The following PARD6G variants were observed in gnomAD, a reference collection of about 807,000 sequenced individuals.
PARD6G encodes partitioning defective 6 homolog gamma.
A neutral mutation model predicts 10.7 loss-of-function variants in PARD6G; 7 were observed. That is an observed-to-expected ratio of 0.66 (90% confidence interval 0.37 to 1.23). The LOEUF is 1.23. Ranked by LOEUF, PARD6G falls within the 50% of genes most tolerant of loss-of-function variation. The pLI, the probability that PARD6G is intolerant of heterozygous loss-of-function variation, is 0.02. For missense variants in PARD6G, 548 were observed against 571.8 expected (o/e 0.96, Z 0.42); for synonymous variants, 287 against 269.4 (o/e 1.07, Z -0.64).
intron 1 of PARD6G, among the ~76,000 whole-genome samples, chr18:80,242,439 G>A (rs1269728855): frequency 6.6e-6 from 1 of 152,218 alleles, no homozygotes; most frequent in African/African-American, 2.4e-5. Context: ...GCAGCACCAT[G>A]GCAGCCAACG....
intron 1 of PARD6G, among the ~76,000 whole-genome samples, chr18:80,207,666 C>G (rs192444841): frequency 6.6e-5 from 10 of 152,228 alleles, no homozygotes; most frequent in African/African-American, 2.4e-4. Flanking sequence ...CAGGAGTGTA[C>G]ATTCACACTG....
At chr18:80,208,978 T>C (rs1232762331) in intron 1 of PARD6G, among the ~76,000 whole-genome samples, 1 of 152,116 alleles carries the variant, frequency 6.6e-6, no homozygotes, top group African/African-American at 2.4e-5. Context: ...CACACGCTTG[T>C]AGTCCCAGCT....
intron 2 of PARD6G, chr18:80,169,551 G>C (rs1260849572): frequency 1.3e-5 from 2 of 152,330 alleles, no homozygotes; most frequent in Non-Finnish European, 2.9e-5. Flanking sequence ...GGGCGCCAGA[G>C]TGTGGGGTCC....
chr18:80,168,796 C>T (rs1284633307), intron 2 of PARD6G: 7 of 168,690 alleles, frequency 4.1e-5, no homozygotes, highest in Non-Finnish European at 4.4e-5. Flanking sequence ...ATTATATTTT[C>T]TTCTTCCATT....
chr18:80,173,100 C>A (rs991578255), intron 2 of PARD6G, among the ~76,000 whole-genome samples: 1 of 152,078 alleles, frequency 6.6e-6, no homozygotes, highest in Admixed American at 6.5e-5. Context: ...TTGTCTGGAA[C>A]CAGCATGATG....
At chr18:80,234,907 T>G (rs1249789925) in intron 1 of PARD6G, among the ~76,000 whole-genome samples, 1 of 152,062 alleles carries the variant, frequency 6.6e-6, no homozygotes, top group Admixed American at 6.5e-5. Flanking sequence ...ACAATAATAA[T>G]GGGAGACTTT....
At chr18:80,241,780 C>A (rs1967493207) in intron 1 of PARD6G, among the ~76,000 whole-genome samples, 1 of 152,154 alleles carries the variant, frequency 6.6e-6, no homozygotes, top group Non-Finnish European at 1.5e-5. Flanking sequence ...GACATGTAAG[C>A]AGCCAAGTGA....
Position 80,192,163 on chromosome 18 carries a change from C to T in PARD6G, c.295+10547G>A, listed in dbSNP as rs1376991795. ...GTGTTGGGGTCACAAGACCAGACTG[C>T]GCATTCTCTACGAGACATGATATGA... is the stretch of plus-strand genomic sequence containing the variant. On this transcript the variant is annotated intron_variant, in intron 2 of 2. Coordinates refer to ENST00000353265, the MANE Select transcript of PARD6G (RefSeq NM_032510.4). The surrounding 1 kb of genome is among the most constrained non-coding windows in gnomAD (Gnocchi z 4.9). 3.3e-5 allele frequency among the ~76,000 whole-genome samples: 5 copies of T among 152,196 alleles called. No homozygotes were observed. Among genetic ancestry groups the T allele is most frequent in the African/African-American group, 9.7e-5 (4 of 41,440 alleles).
chr18:80,170,347 AG>A (rs1158500259), intron 2 of PARD6G: 1 of 152,298 alleles, frequency 6.6e-6, no homozygotes. Flanking sequence ...CTTGGTCTAC[AG>A]CATGCATCCT....
In PARD6G at chr18:80,247,298, G is replaced by A; in HGVS notation, c.51C>T (p.Ser17=). 1 of 1,584,702 alleles carries A rather than the reference G, an allele frequency of 6.3e-7. No homozygotes were observed. Among genetic ancestry groups the A allele is most frequent in the Non-Finnish European group, 8.6e-7 (1 of 1,166,408 alleles). The change falls in exon 1 of 3, where the codon AGC becomes AGT. Residue 17 remains serine, a synonymous_variant. Coordinates refer to ENST00000353265, the MANE Select transcript of PARD6G (RefSeq NM_032510.4). This position sits in a 1 kb window ranked among gnomAD's most constrained non-coding sequence, Gnocchi z 4.2. ...KSQTLRFYDC[S]AVEVKSKFGA... is the part of the protein sequence containing the mutation. ...TTACCTTGCTCTTGACTTCCACTGCGCTGCAATCGTAGAATCGCAAGGTCT... is the reference window on the plus strand; with the variant it reads ...TTACCTTGCTCTTGACTTCCACTGCACTGCAATCGTAGAATCGCAAGGTCT...
At chr18:80,162,286 G>A (rs1477449384) in intron 2 of PARD6G, 1 of 152,326 alleles carries the variant, frequency 6.6e-6, no homozygotes, top group Non-Finnish European at 1.5e-5. Context: ...AACTATACCT[G>A]TAAACCCTGT....
At chr18:80,225,735 C>T (rs765718197) in intron 1 of PARD6G, among the ~76,000 whole-genome samples, 5 of 152,140 alleles carry the variant, frequency 3.3e-5, no homozygotes, top group African/African-American at 4.8e-5. Context: ...GTTGGAGAAG[C>T]GTGGGAAAGT....
rs1345423465 is a variant in PARD6G at position 80,160,114 on chromosome 18, A to G, written c.788T>C (p.Leu263Ser). Residue 263 changes from leucine (L) to serine (S), a missense_variant, in exon 3 of 3, where the codon TTG becomes TCG. By Grantham distance (145) the Leu-to-Ser change is moderately radical. This residue lies in a region of PARD6G where 313 missense variants were observed against 279.9 expected (regional missense o/e 1.12). Transcript: ENST00000353265. ...GTCCGAGGGCGGTCCCGAGCTGCCC[A>G]ACGCGCGGCCGCCGCGCACCACGTT... is the stretch of plus-strand genomic sequence containing the variant. Reference protein sequence around the residue: ...RNNVVRGGRALGSSGPPSDGT... With the variant: ...RNNVVRGGRASGSSGPPSDGT... The G allele has an allele frequency of 6.2e-7, 1 of 1,610,964 alleles. No individual in the cohort carries two copies.
rs544824993 is a variant in PARD6G at position 80,186,577 on chromosome 18, AC to A, written c.295+16132del. ...ACACATGCACACACAGCCCTTGCAC[AC>A]CCCCCCAAAGGATGCACACACACAT... On this transcript the variant is annotated intron_variant, in intron 2 of 2. Transcript: ENST00000353265. Among the ~76,000 whole-genome samples the A allele has an allele frequency of 3.2e-4, 47 of 149,112 alleles. 1 individual carries two copies. The highest frequency in any genetic ancestry group is 1.7e-3 in the South Asian group (8 of 4,608).
intron 1 of PARD6G, among the ~76,000 whole-genome samples, chr18:80,225,649 C>G (rs1292071629): frequency 6.6e-6 from 1 of 152,222 alleles, no homozygotes; most frequent in Non-Finnish European, 1.5e-5. Flanking sequence ...GTCATTTCCT[C>G]AAAATACTCT....
At chr18:80,238,863 C>T (rs1331585390) in intron 1 of PARD6G, among the ~76,000 whole-genome samples, 6 of 68,088 alleles carry the variant, frequency 8.8e-5, no homozygotes, top group African/African-American at 3.5e-4. Context: ...AATCGGGGGG[C>T]GGGCGGGGGA....
chr18:80,245,094 G>A (rs1383380087), intron 1 of PARD6G, among the ~76,000 whole-genome samples: 2 of 152,208 alleles, frequency 1.3e-5, no homozygotes, highest in African/African-American at 4.8e-5. Context: ...CATGCTTGGG[G>A]TGTAAGGCAG....
intron 1 of PARD6G, among the ~76,000 whole-genome samples, chr18:80,226,191 C>T (rs1228735060): frequency 1.6e-5 from 1 of 64,096 alleles, no homozygotes; most frequent in African/African-American, 6.2e-5. Context: ...TTTTTTTAGA[C>T]GGAGTTTCTC....
intron 1 of PARD6G, among the ~76,000 whole-genome samples, chr18:80,244,109 C>G (rs987189601): frequency 6.6e-6 from 1 of 152,134 alleles, no homozygotes; most frequent in African/African-American, 2.4e-5. Flanking sequence ...AAACCCCTTC[C>G]GATCCCAGCA....
Sources: gnomAD v4.1 joint callset for allele counts (sites outside exome capture counted in the v4.1 genomes callset) on GRCh38, gnomAD v4.1.1 for gene constraint, gnomAD v4.1.1 regional missense constraint, Gnocchi (gnomAD v3.1) non-coding constraint, MANE v1.5 for transcripts, NCBI Gene and HGNC (gene_info 2026-07-23, HGNC 2026-07-21) for gene names.